MCCC1: variants seen among roughly 807,000 people sequenced by gnomAD.
MCCC1 encodes the protein methylcrotonoyl-CoA carboxylase subunit alpha, mitochondrial.
In MCCC1, 64 loss-of-function variants were observed where a neutral mutation model predicts 83.8. The ratio of observed to expected loss-of-function variants is 0.76; its 90% CI spans 0.62 to 0.94. The LOEUF (loss-of-function observed/expected upper bound fraction) is 0.94. MCCC1 is among the 40% of genes least tolerant of loss of function. MCCC1 has a pLI of 0.00. For synonymous variants in MCCC1, 322 were observed against 315.4 expected (o/e 1.02, Z -0.22); for missense variants, 807 against 904.7 (o/e 0.89, Z 1.39).
intron 1 of MCCC1, among the ~76,000 whole-genome samples, chr3:183,097,246 CA>C (rs578052100): frequency 1.7e-3 from 228 of 135,022 alleles, no homozygotes; most frequent in Middle Eastern, 3.7e-3. Flanking sequence ...GACTCCGTCT[CA>C]AAAAAAAAAA....
At position 183,033,914 on chromosome 3, in the gene MCCC1, G is replaced by A. The variant is rs75187429; in HGVS notation, c.1681+77C>T. Reference sequence around the variant, plus strand: ...AAATGTAACTGACTGATCATGGCCAGGCTGGAATCCTCTTTTTCAGATTAA... The same window carrying A: ...AAATGTAACTGACTGATCATGGCCAAGCTGGAATCCTCTTTTTCAGATTAA... On this transcript the variant is annotated intron_variant, in intron 14 of 18. Transcript: ENST00000265594. The A allele has an allele frequency of 0.045, 51,684 of 1,150,556 alleles. 2,032 individuals are homozygous for A. Among genetic ancestry groups the A allele is most frequent in the Admixed American group, 0.13 (7,522 of 57,608 alleles). 71.3% of individuals were successfully genotyped at this position (1,150,556 alleles called of 1,614,324 possible).
chr3:183,070,460 C>T (rs1390829696), intron 7 of MCCC1, among the ~76,000 whole-genome samples: 2 of 152,166 alleles, frequency 1.3e-5, no homozygotes, highest in African/African-American at 4.8e-5. Context: ...ACTGGCCGGG[C>T]ACAGTGGCTC....
intron 4 of MCCC1, among the ~76,000 whole-genome samples, chr3:183,083,917 A>G (rs1408193729): frequency 6.6e-6 from 1 of 152,234 alleles, no homozygotes; most frequent in East Asian, 1.9e-4. Context: ...TCCAATGAAT[A>G]GGGAATGGGG....
chr3:183,055,642 A>G (rs58468960), intron 8 of MCCC1, among the ~76,000 whole-genome samples: 4,818 of 151,818 alleles, frequency 0.032, 267 homozygotes, highest in African/African-American at 0.11. Context: ...CGGGCCTGTA[A>G]TCCAAGTGCT....
intron 7 of MCCC1, among the ~76,000 whole-genome samples, chr3:183,067,051 A>G (rs1366059299): frequency 1.3e-5 from 2 of 152,348 alleles, no homozygotes; most frequent in East Asian, 3.9e-4. Context: ...TTGCAATGGG[A>G]CACAACTGGA....
intron 7 of MCCC1, among the ~76,000 whole-genome samples, chr3:183,067,798 G>T (rs1716363458): frequency 6.6e-6 from 1 of 152,164 alleles, no homozygotes; most frequent in Non-Finnish European, 1.5e-5. Context: ...GTTAACTTGG[G>T]ATAATCTTGC....
chr3:183,098,729 A>G (rs1184568572), intron 1 of MCCC1: 1 of 153,826 alleles, frequency 6.5e-6, no homozygotes, highest in Non-Finnish European at 1.5e-5. Context: ...AGCTAGACTG[A>G]GTCATCTGAT....
chr3:183,038,982 G>A (rs371643481), intron 12 of MCCC1, 44 bp downstream of exon 12: 1 of 1,559,252 alleles, frequency 6.4e-7, no homozygotes, highest in South Asian at 1.1e-5. Flanking sequence ...CTCTGGTGCT[G>A]ACCAAACACA....
Position 183,033,991 on chromosome 3 carries a change from T to A in MCCC1, c.1681A>T (p.Asn561Tyr). 1 of 1,590,912 alleles carries A rather than the reference T, an allele frequency of 6.3e-7. No homozygotes were observed. Among genetic ancestry groups the A allele is most frequent in the Non-Finnish European group, 8.6e-7 (1 of 1,159,914 alleles). The change falls in exon 14 of 19, where the codon AAT (asparagine) becomes TAT (tyrosine). Residue 561 changes from asparagine (N) to tyrosine (Y), a missense_variant and splice_region_variant. Coordinates refer to ENST00000265594, the MANE Select transcript of MCCC1 (RefSeq NM_020166.5). ...TCTCTTTTAATGAAACATTACTTAC[T>A]GTTTTTACCATCTTTAAGAGTCATG... The part of the protein sequence containing the change: ...RNMTLKDGKN[N>Y]VAIAVTYNHD...
At chr3:183,091,809 T>A (rs537707831) in intron 3 of MCCC1, among the ~76,000 whole-genome samples, 2 of 152,086 alleles carry the variant, frequency 1.3e-5, no homozygotes, top group East Asian at 3.9e-4. Flanking sequence ...GAGGCCAAGG[T>A]GGGCGGATCA....
chr3:183,104,061 C>T (rs1046466261), upstream of MCCC1, among the ~76,000 whole-genome samples: 10 of 152,198 alleles, frequency 6.6e-5, no homozygotes, highest in South Asian at 2.1e-4. Flanking sequence ...ACCAAGCCTA[C>T]GCCCACCCGG....
upstream of MCCC1, chr3:183,099,588 G>A: frequency 1.1e-6 from 1 of 903,946 alleles, no homozygotes; most frequent in Admixed American, 2.3e-5. Context: ...CCAAGAATGT[G>A]AGGGCGTCTC....
At chr3:183,019,753 C>G (rs989826601) in intron 17 of MCCC1, among the ~76,000 whole-genome samples, 1 of 152,178 alleles carries the variant, frequency 6.6e-6, no homozygotes, top group African/African-American at 2.4e-5. Flanking sequence ...GCAGATGCAA[C>G]TACGTACACT....
At chr3:183,103,708 G>A (rs1350770825), upstream of MCCC1, among the ~76,000 whole-genome samples, 1 of 152,254 alleles carries the variant, frequency 6.6e-6, no homozygotes, top group African/African-American at 2.4e-5. Context: ...CACTGGGGCT[G>A]CAGGTGGAGC....
intron 7 of MCCC1, among the ~76,000 whole-genome samples, chr3:183,061,596 A>G (rs12636930): frequency 6.6e-6 from 1 of 152,172 alleles, no homozygotes; most frequent in East Asian, 1.9e-4. Context: ...CCATTTTTCA[A>G]AATTCCCATG....
At chr3:183,028,954 A>C (rs983788449) in intron 14 of MCCC1, 11 of 151,352 alleles carry the variant, frequency 7.3e-5, no homozygotes, top group Admixed American at 5.9e-4. Context: ...AATCATTAGC[A>C]TTTTTTTTTA....
chr3:183,100,779 G>A (rs1173919822), upstream of MCCC1, among the ~76,000 whole-genome samples: 5 of 152,230 alleles, frequency 3.3e-5, no homozygotes, highest in African/African-American at 1.2e-4. Flanking sequence ...TCCCCTGCCT[G>A]GGCTCCCACT....
At chr3:183,027,224 A>G (rs1712683114) in intron 14 of MCCC1, among the ~76,000 whole-genome samples, 1 of 152,144 alleles carries the variant, frequency 6.6e-6, no homozygotes, top group Admixed American at 6.5e-5. Context: ...CTGACCAGCC[A>G]TTCCCCTGTC....
chr3:183,086,934 C>T, intron 3 of MCCC1, 146 bp from the exon 4 acceptor site: 3 of 722,232 alleles, frequency 4.2e-6, no homozygotes. Flanking sequence ...AACTGAAGTA[C>T]CAATGTATGT....
Sources: allele counts gnomAD v4.1 joint callset (sites outside exome capture counted in the v4.1 genomes callset), GRCh38; gene constraint gnomAD v4.1.1; transcripts MANE v1.5; gene names NCBI Gene and HGNC (gene_info 2026-07-23, HGNC 2026-07-21).